The following MTFR1 variants were observed in gnomAD, a reference collection of about 807,000 sequenced individuals.
MTFR1 encodes the protein mitochondrial fission regulator 1.
Under a neutral mutation model 38.8 loss-of-function variants are expected in MTFR1, and 28 were observed. That is an observed-to-expected ratio of 0.72 (90% CI 0.53 to 0.99). The LOEUF is 0.99. Ranked by LOEUF, MTFR1 falls within the 50% of genes least tolerant of loss-of-function variation. The pLI, the probability that MTFR1 is intolerant of heterozygous loss-of-function variation, is 0.00. For missense variants in MTFR1, 358 were observed against 395.5 expected, an observed-to-expected ratio of 0.91 and a Z score of 0.81; for synonymous variants, 145 against 137.0, an observed-to-expected ratio of 1.06 and a Z score of -0.41.
intron 3 of MTFR1, among the ~76,000 whole-genome samples, chr8:65,750,965 CA>C (rs1356919656): frequency 3.3e-5 from 5 of 152,188 alleles, no homozygotes; most frequent in Non-Finnish European, 7.3e-5. Context: ...AGATTAATCT[CA>C]TAAAGAAACC....
chr8:65,753,388 C>T (rs1187003116), intron 3 of MTFR1, among the ~76,000 whole-genome samples: 1 of 152,172 alleles, frequency 6.6e-6, no homozygotes, highest in Non-Finnish European at 1.5e-5. Context: ...TAGGATCATG[C>T]CTCTGCTATT....
intron 3 of MTFR1, among the ~76,000 whole-genome samples, chr8:65,750,678 T>C (rs570245043): frequency 7.9e-5 from 12 of 152,266 alleles, no homozygotes; most frequent in African/African-American, 2.2e-4. Context: ...GTTAAGTCAA[T>C]TGGTACTGTC....
chr8:65,701,057 C>T (rs1199478884), intron 4 of MTFR1, among the ~76,000 whole-genome samples: 5 of 152,240 alleles, frequency 3.3e-5, no homozygotes, highest in African/African-American at 9.6e-5. Context: ...CTGCCCCTCA[C>T]ATGTGAACAG....
chr8:65,676,338 T>C (rs976700230), intron 2 of MTFR1, among the ~76,000 whole-genome samples: 1 of 152,166 alleles, frequency 6.6e-6, no homozygotes, highest in Admixed American at 6.6e-5. Context: ...TAATATCACA[T>C]AGCTTGTCTT....
At chr8:65,702,274 T>A (rs1267991803) in intron 4 of MTFR1, among the ~76,000 whole-genome samples, 1 of 129,014 alleles carries the variant, frequency 7.8e-6, no homozygotes, top group Non-Finnish European at 1.9e-5. Flanking sequence ...TTTCTTTTCT[T>A]TGTTTCTTTT....
chr8:65,711,444 C>G (rs932581407), downstream of MTFR1, among the ~76,000 whole-genome samples: 4 of 152,194 alleles, frequency 2.6e-5, no homozygotes, highest in African/African-American at 9.7e-5. Flanking sequence ...TAGAATCTGG[C>G]AGACAGAAGT....
intron 2 of MTFR1, among the ~76,000 whole-genome samples, chr8:65,671,559 AAG>A (rs1424853944): frequency 1.3e-5 from 2 of 151,450 alleles, no homozygotes; most frequent in African/African-American, 2.4e-5. Flanking sequence ...AAAAAAAAAA[AAG>A]AACTTCACTT....
At chr8:65,756,762 A>T (rs1808257303) in intron 3 of MTFR1, among the ~76,000 whole-genome samples, 1 of 151,810 alleles carries the variant, frequency 6.6e-6, no homozygotes, top group African/African-American at 2.4e-5. Flanking sequence ...GGGGTGGTTT[A>T]TATCAAATTC....
chr8:65,721,278 G>A (rs1283747451), intron 3 of MTFR1, among the ~76,000 whole-genome samples: 1 of 152,098 alleles, frequency 6.6e-6, no homozygotes, highest in Non-Finnish European at 1.5e-5. Context: ...ATATTTTCTT[G>A]TTCAACAAAA....
intron 2 of MTFR1, among the ~76,000 whole-genome samples, chr8:65,681,606 A>G (rs1804891571): frequency 6.6e-6 from 1 of 151,802 alleles, no homozygotes; most frequent in Non-Finnish European, 1.5e-5. Context: ...ACTTGGGGAG[A>G]AGTTTCAAGG....
chr8:65,740,235 C>T (rs1307507325), intron 3 of MTFR1, among the ~76,000 whole-genome samples: 1 of 152,112 alleles, frequency 6.6e-6, no homozygotes, highest in Non-Finnish European at 1.5e-5. Flanking sequence ...GTCAACACTG[C>T]CCAGCAATCA....
At chr8:65,648,690 A>T (rs902837989) in intron 1 of MTFR1, among the ~76,000 whole-genome samples, 1 of 152,154 alleles carries the variant, frequency 6.6e-6, no homozygotes, top group Non-Finnish European at 1.5e-5. Context: ...GACTGGTGTG[A>T]GTTGGTTGTG....
At chr8:65,715,379 G>GTT (rs869132666), downstream of MTFR1, among the ~76,000 whole-genome samples, 36 of 133,372 alleles carry the variant, frequency 2.7e-4, no homozygotes, top group South Asian at 2.5e-4. Context: ...CTATAAAAAA[G>GTT]TTTTTTTTTT....
intron 3 of MTFR1, chr8:65,739,707 C>T: frequency 8.7e-7 from 1 of 1,143,332 alleles, no homozygotes; most frequent in East Asian, 3.4e-5. Flanking sequence ...GTAATAATTC[C>T]CACTTTTTGT....
intron 1 of MTFR1, among the ~76,000 whole-genome samples, chr8:65,645,695 C>CTTTT (rs1563428253): frequency 1.6e-4 from 18 of 114,534 alleles, no homozygotes; most frequent in Non-Finnish European, 2.2e-4. Context: ...CCGGCTTTCC[C>CTTTT]CCCCCCCCCC....
At chr8:65,724,532 A>T (rs1806528551) in intron 3 of MTFR1, among the ~76,000 whole-genome samples, 1 of 152,170 alleles carries the variant, frequency 6.6e-6, no homozygotes, top group Admixed American at 6.6e-5. Context: ...TTGGTACCCT[A>T]ATCTTGTAAA....
chr8:65,659,811 T>C (rs1454704226), intron 1 of MTFR1, among the ~76,000 whole-genome samples: 1 of 152,198 alleles, frequency 6.6e-6, no homozygotes, highest in Non-Finnish European at 1.5e-5. Context: ...TATTTTTTTC[T>C]GTTTGTTCTA....
intron 3 of MTFR1, among the ~76,000 whole-genome samples, chr8:65,763,599 G>C (rs899626539): frequency 1.3e-5 from 2 of 152,090 alleles, no homozygotes; most frequent in Non-Finnish European, 2.9e-5. Context: ...TTATTGTTAT[G>C]GGTTAGGCAT....
At chr8:65,741,417 A>T (rs963583187) in intron 3 of MTFR1, among the ~76,000 whole-genome samples, 2 of 152,248 alleles carry the variant, frequency 1.3e-5, no homozygotes, top group Non-Finnish European at 2.9e-5. Context: ...TAACCTTGTT[A>T]TCTAAAACTG....
Sources: gnomAD v4.1 joint callset for allele counts (sites outside exome capture counted in the v4.1 genomes callset) on GRCh38, gnomAD v4.1.1 for gene constraint, MANE v1.5 for transcripts, NCBI Gene and HGNC (gene_info 2026-07-23, HGNC 2026-07-21) for gene names.